SYTL2: variants seen among roughly 807,000 people sequenced by gnomAD.
SYTL2 encodes synaptotagmin-like protein 2.
Under a neutral mutation model 198.7 loss-of-function variants are expected in SYTL2, and 165 were observed. The observed-to-expected ratio is 0.83, with a 90% CI of 0.73 to 0.94. The LOEUF (loss-of-function observed/expected upper bound fraction) is 0.94, where lower values mean the gene tolerates loss of function less well. Ranked by LOEUF, SYTL2 falls within the 40% of genes least tolerant of loss-of-function variation. The pLI, the probability that SYTL2 is intolerant of heterozygous loss-of-function variation, is 0.00. For synonymous variants in SYTL2, 966 were observed against 917.7 expected (o/e 1.05, Z -0.95); for missense variants, 2,835 against 2,582.8 (o/e 1.10, Z -2.12).
chr11:85,723,218 C>A (rs745565231), intron 8 of SYTL2, among the ~76,000 whole-genome samples: 4 of 152,180 alleles, frequency 2.6e-5, no homozygotes, highest in Non-Finnish European at 4.4e-5. Context: ...AACGCCCCCA[C>A]GTTCATGTAG....
At chr11:85,848,506 T>C in the SYTL2 span, among the ~76,000 whole-genome samples, 667 of 152,248 alleles carry the variant, frequency 4.4e-3, 4 homozygotes, top group African/African-American at 0.015. Context: ...ATTTTTTTTT[T>C]CCAAATAGAT....
Position 85,764,309 on chromosome 11 carries a change from G to A in SYTL2, c.-389-6195C>T, listed in dbSNP as rs140310629. ...ATTTCCCTCCAGACTGAAAAAATGCGCAGGCGGTGCTAAGCCCTTTACACA... is the reference window on the plus strand; with the variant it reads ...ATTTCCCTCCAGACTGAAAAAATGCACAGGCGGTGCTAAGCCCTTTACACA... On this transcript the variant is annotated intron_variant, in intron 1 of 19. Coordinates refer to ENST00000359152, the MANE Select transcript of SYTL2 (RefSeq NM_206927.4). Among the ~76,000 whole-genome samples the A allele has an allele frequency of 3.5e-3, 531 of 152,242 alleles. 5 individuals are homozygous for A. Among genetic ancestry groups the A allele is most frequent in the Non-Finnish European group, 5.7e-3 (387 of 68,026 alleles).
At chr11:85,850,689 T>G in the SYTL2 span, among the ~76,000 whole-genome samples, 6,803 of 150,444 alleles carry the variant, frequency 0.045, 248 homozygotes, top group South Asian at 0.086. Context: ...TATACCCAAA[T>G]GACTATAAAT....
In SYTL2 at chr11:85,709,419, A is replaced by T. The variant is rs1214997616; in HGVS notation, c.5827T>A (p.Tyr1943Asn). The T allele has an allele frequency of 2.5e-6, 4 of 1,614,156 alleles. No individual in the cohort carries two copies. The highest frequency in any genetic ancestry group is 2.5e-6 in the Non-Finnish European group (3 of 1,180,006). ...VKGNIQFAIE[Y>N]VESLKELHVF... ...TGCAACTCCTTCAGTGACTCCACAT[A>T]TTCAATTGCAAACTGAATATTTCCT... The change falls in exon 14 of 20, where the codon TAT (tyrosine) becomes AAT (asparagine). Residue 1943 changes from tyrosine to asparagine, a missense_variant. Physicochemically the swap from Tyr to Asn is moderately radical, Grantham distance 143 (BLOSUM62 -2). Transcript: ENST00000359152.
chr11:85,838,935 G>A, the SYTL2 span, among the ~76,000 whole-genome samples: 1 of 152,074 alleles, frequency 6.6e-6, no homozygotes, highest in Non-Finnish European at 1.5e-5. Context: ...TTAGAGACAG[G>A]ATCTCACTAT....
intron 1 of SYTL2, among the ~76,000 whole-genome samples, chr11:85,761,460 A>G (rs1432242633): frequency 6.6e-6 from 1 of 152,198 alleles, no homozygotes; most frequent in Non-Finnish European, 1.5e-5. Context: ...CCCCCAGGAG[A>G]GCAGGAGGAG....
chr11:85,752,690 G>A (rs1369243860), intron 2 of SYTL2, among the ~76,000 whole-genome samples: 1 of 151,996 alleles, frequency 6.6e-6, no homozygotes, highest in Non-Finnish European at 1.5e-5. Context: ...AGGCCTTGAT[G>A]TTGGATCAAC....
chr11:85,724,967 A>C lies in SYTL2; in HGVS notation c.4391T>G (p.Phe1464Cys). ...GCCATATTGAGCAACAATGGAAGCA[A>C]ATGAGCTAAGCGTCTGGTCTGATGG... ...MSPSDQTLSS[F>C]ASIVAQYGKG... is the part of the protein sequence containing the mutation. The change falls in exon 8 of 20, where the codon TTT becomes TGT. Residue 1464 changes from phenylalanine to cysteine, a missense_variant. Phe to Cys is a radical substitution (Grantham distance 205, BLOSUM62 -2). This residue lies in a region of SYTL2 where 2,645 missense variants were observed against 2,381.7 expected (regional missense o/e 1.11). Coordinates refer to ENST00000359152, the MANE Select transcript of SYTL2 (RefSeq NM_206927.4). The C allele has an allele frequency of 6.2e-7, 1 of 1,613,844 alleles. No homozygotes were observed. The highest frequency in any genetic ancestry group is 8.5e-7 in the Non-Finnish European group (1 of 1,179,900).
chr11:85,763,931 C>G (rs1479967323), intron 1 of SYTL2, among the ~76,000 whole-genome samples: 2 of 152,332 alleles, frequency 1.3e-5, no homozygotes, highest in Non-Finnish European at 2.9e-5. Context: ...ATGTGACAAT[C>G]AGAGACTCTT....
intron 1 of SYTL2, among the ~76,000 whole-genome samples, chr11:85,790,598 T>C (rs2092714223): frequency 6.6e-6 from 1 of 152,196 alleles, no homozygotes; most frequent in African/African-American, 2.4e-5. Flanking sequence ...TCTCTCCCAT[T>C]CCAGGTTCAC....
intron 11 of SYTL2, chr11:85,716,964 T>C (rs1406848416): frequency 1.3e-5 from 2 of 152,502 alleles, no homozygotes; most frequent in East Asian, 1.9e-4. Context: ...ACATTTACCA[T>C]TCAAGGCAGT....
At chr11:85,774,910 ACT>A (rs1295838179) in intron 1 of SYTL2, among the ~76,000 whole-genome samples, 1 of 151,148 alleles carries the variant, frequency 6.6e-6, no homozygotes, top group Non-Finnish European at 1.5e-5. Flanking sequence ...GAAAACTGAA[ACT>A]CTTTGTTTCA....
intron 18 of SYTL2, among the ~76,000 whole-genome samples, chr11:85,697,203 T>C (rs917686254): frequency 4.6e-5 from 7 of 152,214 alleles, no homozygotes; most frequent in African/African-American, 1.7e-4. Flanking sequence ...ATATGTCACA[T>C]ATATATTTAT....
the SYTL2 span, among the ~76,000 whole-genome samples, chr11:85,823,271 G>A: frequency 5.3e-5 from 8 of 152,176 alleles, no homozygotes; most frequent in Admixed American, 1.3e-4. Context: ...TGAGTGTTTG[G>A]GAAATGTGCT....
In SYTL2 at chr11:85,717,474, G is replaced by C. The variant is rs777858848; in HGVS notation, c.5530+9C>G. 1.9e-5 allele frequency: 30 copies of C among 1,610,878 alleles called. No homozygotes were observed. The highest frequency in any genetic ancestry group is 2.5e-5 in the Non-Finnish European group (29 of 1,177,372). ...TTTAGTCATTTGTGAGAAAGATCCT[G>C]CTACTCACTTCTTGGTACGCATTCA... On this transcript the variant is annotated intron_variant, in intron 11 of 19. Transcript: ENST00000359152.
Position 85,789,324 on chromosome 11 carries a change from A to G in SYTL2, c.-390+21630T>C, listed in dbSNP as rs1464343295. ...ATTTATTTATATGATGTGTGTGTGT[A>G]TGTGTGTGTGTGTGTGTATATATAT... On this transcript the variant is annotated intron_variant, in intron 1 of 19. Coordinates refer to ENST00000359152, the MANE Select transcript of SYTL2 (RefSeq NM_206927.4). Among the ~76,000 whole-genome samples, 82 of 77,276 alleles carry G rather than the reference A, an allele frequency of 1.1e-3. 1 individual carries two copies. Among genetic ancestry groups the G allele is most frequent in the Non-Finnish European group, 1.5e-3 (64 of 43,838 alleles). 50.7% of individuals were successfully genotyped at this position (77,276 alleles called of 152,430 possible).
Position 85,756,817 on chromosome 11 carries a change from T to C in SYTL2, c.101+808A>G, listed in dbSNP as rs116911013. Among the ~76,000 whole-genome samples the C allele has an allele frequency of 3.9e-3, 595 of 152,368 alleles. 2 individuals carry two copies. The highest frequency in any genetic ancestry group is 0.01 in the Middle Eastern group (3 of 294). On this transcript the variant is annotated intron_variant, in intron 2 of 19. Coordinates refer to ENST00000359152, the MANE Select transcript of SYTL2 (RefSeq NM_206927.4). ...ATGGTAAAAATAAAGCCATTATTCA[T>C]GGTCCTGTGTCCCAGGAAGTAAGAA...
At chr11:85,752,606 T>C (rs2091578350) in intron 2 of SYTL2, among the ~76,000 whole-genome samples, 2 of 152,130 alleles carry the variant, frequency 1.3e-5, no homozygotes, top group East Asian at 1.9e-4. Flanking sequence ...AAACAAGAAA[T>C]ATCCACCTTT....
intron 1 of SYTL2, among the ~76,000 whole-genome samples, chr11:85,763,617 A>T (rs2092156386): frequency 6.6e-6 from 1 of 152,138 alleles, no homozygotes; most frequent in East Asian, 1.9e-4. Context: ...TAAAACTTAC[A>T]TAAATGGTGA....
Sources: gnomAD v4.1 joint callset for allele counts (sites outside exome capture counted in the v4.1 genomes callset) on GRCh38, gnomAD v4.1.1 for gene constraint, gnomAD v4.1.1 regional missense constraint, MANE v1.5 for transcripts, NCBI Gene and HGNC (gene_info 2026-07-23, HGNC 2026-07-21) for gene names.